Variants in RGL1 observed in about 807,000 individuals in gnomAD.
RGL1 encodes ral guanine nucleotide dissociation stimulator like 1.
In RGL1, 24 loss-of-function variants were observed where a neutral mutation model predicts 95.2. The observed-to-expected ratio is 0.25, with a 90% confidence interval of 0.18 to 0.35. RGL1 has a LOEUF of 0.35. Ranked by LOEUF, RGL1 falls within the 10% of genes least tolerant of loss-of-function variation. The pLI is 1.00. For missense variants in RGL1, 715 were observed against 936.3 expected (o/e 0.76, Z 3.08); for synonymous variants, 329 against 344.9 (o/e 0.95, Z 0.51).
At chr1:183,809,131 C>A (rs143771901) in intron 2 of RGL1, among the ~76,000 whole-genome samples, 9 of 152,296 alleles carry the variant, frequency 5.9e-5, no homozygotes, top group South Asian at 2.1e-4. Flanking sequence ...TATGAAGATA[C>A]GTATGAGGTT....
chr1:183,661,960 C>G (rs1187046076), intron 1 of RGL1, among the ~76,000 whole-genome samples: 1 of 149,888 alleles, frequency 6.7e-6, no homozygotes, highest in African/African-American at 2.5e-5. Context: ...AGACAAAAAC[C>G]ACATGATTAT....
chr1:183,867,936 A>G (rs1330051034), intron 4 of RGL1, among the ~76,000 whole-genome samples: 3 of 152,232 alleles, frequency 2.0e-5, no homozygotes, highest in Non-Finnish European at 4.4e-5. Flanking sequence ...GTTAGGTTCC[A>G]TGTAGTTTTA....
chr1:183,806,512 C>A, intron 2 of RGL1, 27 bp downstream of exon 2: 1 of 1,482,184 alleles, frequency 6.7e-7, no homozygotes, highest in South Asian at 1.1e-5. Flanking sequence ...AGATGGTGAA[C>A]TTTGGAATTT....
intron 3 of RGL1, among the ~76,000 whole-genome samples, chr1:183,857,863 C>A (rs941301966): frequency 3.9e-5 from 6 of 152,128 alleles, no homozygotes; most frequent in Admixed American, 2.0e-4. Context: ...GACTGTAGAG[C>A]CTTAGCTTGT....
intron 2 of RGL1, among the ~76,000 whole-genome samples, chr1:183,761,902 T>C (rs1295184104): frequency 6.6e-6 from 1 of 152,220 alleles, no homozygotes; most frequent in Non-Finnish European, 1.5e-5. Flanking sequence ...GATGTCTTCT[T>C]CTCTTAAACA....
At chr1:183,773,955 G>A (rs200225337) in intron 2 of RGL1, among the ~76,000 whole-genome samples, 9 of 149,864 alleles carry the variant, frequency 6.0e-5, no homozygotes, top group Non-Finnish European at 4.4e-5. Context: ...ACTTGGGAAA[G>A]AAAAAAAAAA....
intron 1 of RGL1, among the ~76,000 whole-genome samples, chr1:183,741,609 T>C (rs1357842540): frequency 6.6e-6 from 1 of 152,246 alleles, no homozygotes; most frequent in Non-Finnish European, 1.5e-5. Context: ...ACAATCTTTC[T>C]GTCCTGAGGC....
At position 183,756,040 on chromosome 1, in the gene RGL1, T is replaced by C. The variant is rs535418178; in HGVS notation, c.132+13751T>C. Among the ~76,000 whole-genome samples, 61 of 152,142 alleles carry C rather than the reference T, an allele frequency of 4.0e-4. No homozygotes were observed. The East Asian group carries it at 0.011, about 27-fold the overall frequency. ...CTGGGATTACAGGTGCCTGCCACCATGCCCAGCTAGTTTTTTGTATTTTTA... is the reference window on the plus strand; with the variant it reads ...CTGGGATTACAGGTGCCTGCCACCACGCCCAGCTAGTTTTTTGTATTTTTA... On this transcript the variant is annotated intron_variant, in intron 2 of 18. Transcript: ENST00000304685.
Position 183,916,581 on chromosome 1 carries a change from C to T in RGL1, c.1884C>T (p.Val628=), listed in dbSNP as rs148067489. ...NNNPKIHKRS[V]SVTSITSTVL... ...ACCCCAAAATCCACAAGCGCTCTGT[C>T]TCGGTGACGTCCATTACCTCGACTG... Residue 628 remains valine (V), a synonymous_variant, in exon 16 of 18, where the codon GTC becomes GTT. Transcript: ENST00000360851. 97 of 1,614,006 alleles carry T rather than the reference C, an allele frequency of 6.0e-5. No individual in the cohort carries two copies. The African/African-American group carries it at 1.2e-3, about 21-fold the overall frequency.
chr1:183,798,597 T>C (rs956291061), intron 2 of RGL1, among the ~76,000 whole-genome samples: 2 of 152,196 alleles, frequency 1.3e-5, no homozygotes, highest in South Asian at 2.1e-4. Flanking sequence ...TTTAAGTATA[T>C]AATAGAGTAT....
chr1:183,706,982 G>A (rs775620978), intron 1 of RGL1, among the ~76,000 whole-genome samples: 20 of 152,262 alleles, frequency 1.3e-4, no homozygotes, highest in Non-Finnish European at 1.6e-4. Flanking sequence ...TCAGTTAAAC[G>A]AGACAGAAAA....
chr1:183,730,973 G>T (rs1338996167), intron 1 of RGL1, among the ~76,000 whole-genome samples: 1 of 152,134 alleles, frequency 6.6e-6, no homozygotes, highest in Non-Finnish European at 1.5e-5. Context: ...GACAAATGGA[G>T]TGGGTGCATA....
chr1:183,899,835 A>G (rs532616511), intron 10 of RGL1, among the ~76,000 whole-genome samples: 43 of 152,232 alleles, frequency 2.8e-4, no homozygotes, highest in Non-Finnish European at 1.2e-4. Context: ...GAATGTCCCC[A>G]TGCTCTGAAA....
intron 1 of RGL1, among the ~76,000 whole-genome samples, chr1:183,688,782 A>C (rs1653771252): frequency 1.3e-5 from 2 of 152,174 alleles, no homozygotes; most frequent in Non-Finnish European, 2.9e-5. Context: ...ATTTTAAAAA[A>C]ATTTCCAAGC....
intron 2 of RGL1, among the ~76,000 whole-genome samples, chr1:183,772,978 C>T (rs1659367480): frequency 7.6e-6 from 1 of 132,042 alleles, no homozygotes; most frequent in African/African-American, 2.8e-5. Context: ...CACTGCAGTC[C>T]GCAGTCCGGC....
chr1:183,672,329 A>G (rs900542595), intron 1 of RGL1, among the ~76,000 whole-genome samples: 2 of 152,226 alleles, frequency 1.3e-5, no homozygotes, highest in African/African-American at 4.8e-5. Context: ...TCATTAATTC[A>G]GAAAAATAGT....
intron 9 of RGL1, among the ~76,000 whole-genome samples, chr1:183,893,414 G>C (rs1161053343): frequency 1.3e-5 from 2 of 152,168 alleles, no homozygotes; most frequent in Admixed American, 1.3e-4. Flanking sequence ...CTATGCAAAT[G>C]TAAGTTATTT....
chr1:183,732,097 G>T (rs558341726), intron 1 of RGL1, among the ~76,000 whole-genome samples: 7 of 152,250 alleles, frequency 4.6e-5, no homozygotes, highest in Admixed American at 4.6e-4. Context: ...CTGCAAATTT[G>T]CCATCTTGTT....
intron 1 of RGL1, among the ~76,000 whole-genome samples, chr1:183,675,191 C>A (rs1652734084): frequency 6.6e-6 from 1 of 152,060 alleles, no homozygotes; most frequent in Admixed American, 6.6e-5. Context: ...TCTGGATGAA[C>A]CCAGTTTACA....
Sources: gnomAD v4.1 joint callset for allele counts (sites outside exome capture counted in the v4.1 genomes callset) on GRCh38, gnomAD v4.1.1 for gene constraint, MANE v1.5 for transcripts, NCBI Gene and HGNC (gene_info 2026-07-23, HGNC 2026-07-21) for gene names.